KCNT1: variants seen among roughly 807,000 people sequenced by gnomAD.
KCNT1 encodes potassium sodium-activated channel subfamily T member 1.
Under a neutral mutation model 147.8 loss-of-function variants are expected in KCNT1, and 78 were observed. The observed-to-expected ratio is 0.53, with a 90% CI of 0.44 to 0.64. The LOEUF (loss-of-function observed/expected upper bound fraction) is 0.64. Ranked by LOEUF, KCNT1 falls within the 30% of genes least tolerant of loss-of-function variation. The pLI, the probability that KCNT1 is intolerant of heterozygous loss-of-function variation, is 0.00. For synonymous variants in KCNT1, 867 were observed against 748.8 expected, an observed-to-expected ratio of 1.16 and a Z score of -2.58; for missense variants, 1,419 against 1,750.3, an observed-to-expected ratio of 0.81 and a Z score of 3.38.
intron 22 of KCNT1, 81 bp downstream of exon 22, chr9:135,778,576 C>T (rs1833351220): frequency 3.1e-6 from 5 of 1,601,766 alleles, no homozygotes; most frequent in Non-Finnish European, 4.3e-6. Context: ...GTGACCCCGA[C>T]CGCAGGTGGG....
At chr9:135,716,204 C>A (rs1222595370) in intron 2 of KCNT1, among the ~76,000 whole-genome samples, 1 of 152,228 alleles carries the variant, frequency 6.6e-6, no homozygotes, top group Non-Finnish European at 1.5e-5. Context: ...TTGAAAACGG[C>A]AGCCCTGGGA....
intron 1 of KCNT1, among the ~76,000 whole-genome samples, chr9:135,710,597 C>T (rs900463559): frequency 7.9e-5 from 12 of 152,148 alleles, no homozygotes; most frequent in Non-Finnish European, 1.6e-4. Context: ...TTCAGCTGGT[C>T]AAGGCACTCT....
intron 2 of KCNT1, among the ~76,000 whole-genome samples, chr9:135,742,060 G>A (rs1588293834): frequency 6.6e-6 from 1 of 152,192 alleles, no homozygotes; most frequent in African/African-American, 2.4e-5. Flanking sequence ...GGACAACTGG[G>A]GCCAGGTTGC....
intron 19 of KCNT1, among the ~76,000 whole-genome samples, chr9:135,774,419 TC>T (rs1185330946): frequency 1.8e-5 from 2 of 109,996 alleles, no homozygotes; most frequent in Admixed American, 8.3e-5. Context: ...GTGGTGTGTG[TC>T]TGTGTGTTGT....
At chr9:135,748,374 A>G (rs987997241) in intron 2 of KCNT1, among the ~76,000 whole-genome samples, 4 of 144,806 alleles carry the variant, frequency 2.8e-5, no homozygotes, top group Non-Finnish European at 6.0e-5. Flanking sequence ...GGTCCACACC[A>G]CTTACCCTGA....
At chr9:135,721,677 T>A (rs1564319520) in intron 2 of KCNT1, among the ~76,000 whole-genome samples, 2 of 152,374 alleles carry the variant, frequency 1.3e-5, no homozygotes, top group East Asian at 1.9e-4. Context: ...CGGGATGGTG[T>A]CCAAAAGTTC....
intron 2 of KCNT1, among the ~76,000 whole-genome samples, chr9:135,728,652 C>T (rs918903871): frequency 6.6e-5 from 10 of 152,210 alleles, no homozygotes; most frequent in Non-Finnish European, 1.0e-4. Context: ...GCCGCAGCCA[C>T]GGGCTGGGAA....
At chr9:135,774,025 G>T (rs1186673525) in intron 19 of KCNT1, among the ~76,000 whole-genome samples, 3 of 149,574 alleles carry the variant, frequency 2.0e-5, no homozygotes, top group South Asian at 2.1e-4. Flanking sequence ...GTGCAAGGGG[G>T]GTGTGTCCGG....
chr9:135,728,464 G>C (rs569013011), intron 2 of KCNT1, among the ~76,000 whole-genome samples: 2 of 152,246 alleles, frequency 1.3e-5, no homozygotes, highest in Admixed American at 6.5e-5. Context: ...CACTGCGGAT[G>C]TAACAGCCAC....
chr9:135,768,823 C>A lies in KCNT1; in HGVS notation c.1402-6C>A. 6.2e-7 allele frequency: 1 copy of A among 1,608,566 alleles called. No individual in the cohort carries two copies. Among genetic ancestry groups the A allele is most frequent in the Non-Finnish European group, 8.5e-7 (1 of 1,177,402 alleles). Reference sequence around the variant, plus strand: ...GTCTGCACTGACCAACCACCCACCCCGCCAGGACCACCAGACCATCCTGCG... The same window carrying A: ...GTCTGCACTGACCAACCACCCACCCAGCCAGGACCACCAGACCATCCTGCG... On this transcript the variant is annotated splice_polypyrimidine_tract_variant and splice_region_variant and intron_variant, in intron 14 of 30. Transcript: ENST00000371757.
At position 135,720,413 on chromosome 9, in the gene KCNT1, G is replaced by T. The variant is rs537065949; in HGVS notation, c.254+5693G>T. Among the ~76,000 whole-genome samples the T allele has an allele frequency of 3.3e-5, 5 of 152,200 alleles. No individual in the cohort carries two copies. In the East Asian group the frequency reaches 9.7e-4, roughly 30 times the overall value. ...GGTCGGGGAAGTGCCTTGAGACCTG[G>T]GTGACTCGGTGTGCTGAGGGCCTTC... On this transcript the variant is annotated intron_variant, in intron 2 of 30. Transcript: ENST00000371757.
Position 135,702,265 on chromosome 9 carries a change from C to T in KCNT1, c.7C>T (p.Leu3Phe). The stretch of plus-strand genomic sequence containing the variant: ...GTCCGAGCTGCCAGGCCGCATGCCA[C>T]TCCCTGACGGGGCGCGGACCCCGGG... Reference protein sequence around the residue: MPLPDGARTPGGV... With the variant: MPFPDGARTPGGV... The change falls in exon 1 of 31, where the codon CTC becomes TTC. Residue 3 changes from leucine (L) to phenylalanine (F), a missense_variant. This residue lies in a region of KCNT1 where 181 missense variants were observed against 155.7 expected (regional missense o/e 1.16). Transcript: ENST00000371757. 1.9e-6 allele frequency: 3 copies of T among 1,608,252 alleles called. No individual in the cohort carries two copies. The highest frequency in any genetic ancestry group is 1.1e-5 in the South Asian group (1 of 90,972).
At chr9:135,718,016 G>A (rs1234580047) in intron 2 of KCNT1, among the ~76,000 whole-genome samples, 1 of 152,188 alleles carries the variant, frequency 6.6e-6, no homozygotes, top group Non-Finnish European at 1.5e-5. Flanking sequence ...ATAAGGACAC[G>A]CACGTGGGGA....
chr9:135,762,318 C>T (rs776830551), intron 11 of KCNT1, among the ~76,000 whole-genome samples: 5 of 152,200 alleles, frequency 3.3e-5, no homozygotes, highest in Non-Finnish European at 7.4e-5. Context: ...TGGCGGCATG[C>T]ACCTGTAGTC....
chr9:135,758,921 GCCCACCTGCCTGTGT>G (rs796704436), intron 10 of KCNT1, among the ~76,000 whole-genome samples: 146 of 151,190 alleles, frequency 9.7e-4, no homozygotes, highest in African/African-American at 3.2e-3. Context: ...TGCCCACTGT[GCCCACCTGCCTGTGT>G]CCTCGTGGAG....
At chr9:135,733,794 C>T (rs2131367971) in intron 2 of KCNT1, among the ~76,000 whole-genome samples, 1 of 148,492 alleles carries the variant, frequency 6.7e-6, no homozygotes, top group East Asian at 2.1e-4. Context: ...CCCCCCATAG[C>T]ACCAGGCGTG....
chr9:135,750,648 C>T (rs1831100299), intron 3 of KCNT1: 3 of 534,064 alleles, frequency 5.6e-6, no homozygotes, highest in Non-Finnish European at 1.0e-5. Context: ...CATTCACCTG[C>T]CTGCTCCCCA....
chr9:135,771,497 G>A lies in KCNT1; in HGVS notation c.2008+402G>A, dbSNP rs555169359. Among the ~76,000 whole-genome samples the A allele has an allele frequency of 1.2e-4, 19 of 152,324 alleles. No individual in the cohort carries two copies. The South Asian group carries it at 2.9e-3, about 23-fold the overall frequency. The stretch of plus-strand genomic sequence containing the variant: ...TCCAAGTGCCTGTCCAAGTGGGGCC[G>A]CCCACAGGACCGGTTGGCAGCTCAA... On this transcript the variant is annotated intron_variant, in intron 18 of 30. Coordinates refer to ENST00000371757, the MANE Select transcript of KCNT1 (RefSeq NM_020822.3).
At chr9:135,710,718 T>C (rs1217401639) in intron 1 of KCNT1, among the ~76,000 whole-genome samples, 1 of 152,230 alleles carries the variant, frequency 6.6e-6, no homozygotes, top group Non-Finnish European at 1.5e-5. Flanking sequence ...CTGTTCCTTT[T>C]CACAACTGCT....
Sources: allele counts gnomAD v4.1 joint callset (sites outside exome capture counted in the v4.1 genomes callset), GRCh38; gene constraint gnomAD v4.1.1; regional missense constraint gnomAD v4.1.1; transcripts MANE v1.5; gene names NCBI Gene and HGNC (gene_info 2026-07-23, HGNC 2026-07-21).